NYAP2: variants seen among roughly 807,000 people sequenced by gnomAD.
The protein encoded by NYAP2 is neuronal tyrosine-phosphorylated phosphoinositide-3-kinase adapter 2.
Under a neutral mutation model 50.4 loss-of-function variants are expected in NYAP2, and 23 were observed. The observed-to-expected ratio is 0.46, with a 90% CI of 0.33 to 0.65. NYAP2 has a LOEUF of 0.65. Ranked by LOEUF, NYAP2 falls within the 30% of genes least tolerant of loss-of-function variation. NYAP2 has a pLI of 0.02. For synonymous variants in NYAP2, 394 were observed against 365.2 expected (o/e 1.08, Z -0.90); for missense variants, 885 against 861.0 (o/e 1.03, Z -0.35).
chr2:225,484,564 C>A (rs757581790), intron 3 of NYAP2, among the ~76,000 whole-genome samples: 1 of 152,206 alleles, frequency 6.6e-6, no homozygotes, highest in Non-Finnish European at 1.5e-5. Context: ...CTAGTTAGCT[C>A]AACTAGCCCA....
chr2:225,641,351 C>T (rs990476800), intron 6 of NYAP2, among the ~76,000 whole-genome samples: 6 of 151,340 alleles, frequency 4.0e-5, no homozygotes, highest in Non-Finnish European at 5.9e-5. Context: ...GTTTTGTAAT[C>T]GGCCCAGAAT....
At chr2:225,651,402 A>G in intron 6 of NYAP2, 30 bp from the exon 7 acceptor site, 1 of 1,613,742 alleles carries the variant, frequency 6.2e-7, no homozygotes, top group Non-Finnish European at 8.5e-7. Flanking sequence ...TCAGTCAGCT[A>G]ATATTGTGTC....
At chr2:225,476,418 A>T (rs1690109386) in intron 3 of NYAP2, among the ~76,000 whole-genome samples, 1 of 152,066 alleles carries the variant, frequency 6.6e-6, no homozygotes, top group Non-Finnish European at 1.5e-5. Flanking sequence ...GTCTCAAAAA[A>T]AAAAAAAAAA....
intron 6 of NYAP2, among the ~76,000 whole-genome samples, chr2:225,638,400 G>T (rs1298717700): frequency 6.6e-6 from 1 of 152,088 alleles, no homozygotes; most frequent in Non-Finnish European, 1.5e-5. Context: ...TGGGTGAATG[G>T]TCTGTGACCA....
intron 3 of NYAP2, among the ~76,000 whole-genome samples, chr2:225,473,402 T>A (rs1170950726): frequency 4.0e-5 from 6 of 151,476 alleles, no homozygotes; most frequent in African/African-American, 1.5e-4. Context: ...CCACAATGGT[T>A]GAACTAGTTC....
At chr2:225,686,972 T>G in the NYAP2 span, among the ~76,000 whole-genome samples, 9 of 152,262 alleles carry the variant, frequency 5.9e-5, no homozygotes, top group African/African-American at 2.2e-4. Context: ...TCAAGTGCAC[T>G]TCCCATGTCA....
Position 225,619,913 on chromosome 2 carries a change from G to T in NYAP2, c.1619-7004G>T, listed in dbSNP as rs77927349. On this transcript the variant is annotated intron_variant, in intron 5 of 6. Transcript: ENST00000636099. ...CATTTTTGTAATAAATTTAATTCAA[G>T]TTCAGATTTCAATGTGAGAATTAGA... is the stretch of plus-strand genomic sequence containing the variant. Among the ~76,000 whole-genome samples the T allele has an allele frequency of 1.9e-3, 283 of 152,276 alleles. 1 individual carries two copies. The highest frequency in any genetic ancestry group is 0.017 in the Middle Eastern group (5 of 294).
Position 225,526,736 on chromosome 2 carries a change from T to C in NYAP2, c.523+13064T>C, listed in dbSNP as rs185069429. 2.0e-5 allele frequency among the ~76,000 whole-genome samples: 3 copies of C among 152,334 alleles called. No homozygotes were observed. In the East Asian group the frequency reaches 5.8e-4, roughly 29 times the overall value. On this transcript the variant is annotated intron_variant, in intron 4 of 6. Coordinates refer to ENST00000636099, the Ensembl canonical transcript of NYAP2. The stretch of plus-strand genomic sequence containing the variant: ...GTGCTCAAAACACTGCTTAGCACTA[T>C]ACTAATAAAGCACAAAGAAGGTTGA...
At chr2:225,624,888 T>C (rs951560467) in intron 5 of NYAP2, among the ~76,000 whole-genome samples, 2 of 151,888 alleles carry the variant, frequency 1.3e-5, no homozygotes, top group Non-Finnish European at 2.9e-5. Flanking sequence ...ACAGCCACAG[T>C]TGCAAAGCTG....
Position 225,444,780 on chromosome 2 carries a change from T to A in NYAP2, c.221+35679T>A, listed in dbSNP as rs1574618182. On this transcript the variant is annotated intron_variant, in intron 3 of 6. Coordinates refer to ENST00000636099, the Ensembl canonical transcript of NYAP2. ...AACCAGGCTAAAATATCATGGGAAC[T>A]TAGAAACAAAAACATTTCTCCAATC... 2.0e-5 allele frequency among the ~76,000 whole-genome samples: 3 copies of A among 152,300 alleles called. No homozygotes were observed. In the South Asian group the frequency reaches 6.2e-4, roughly 32 times the overall value.
At chr2:225,602,466 GT>G in intron 5 of NYAP2, among the ~76,000 whole-genome samples, 1 of 152,284 alleles carries the variant, frequency 6.6e-6, no homozygotes, top group South Asian at 2.1e-4. Context: ...CTTTGAGGCT[GT>G]TCTTTGTTTG....
intron 3 of NYAP2, among the ~76,000 whole-genome samples, chr2:225,479,098 A>G (rs1380966131): frequency 2.6e-5 from 4 of 152,220 alleles, no homozygotes; most frequent in Non-Finnish European, 5.9e-5. Context: ...ACTTGGGAAC[A>G]GTCAACGAGT....
intron 3 of NYAP2, among the ~76,000 whole-genome samples, chr2:225,422,164 C>G (rs1695226536): frequency 6.6e-6 from 1 of 152,110 alleles, no homozygotes; most frequent in Non-Finnish European, 1.5e-5. Context: ...GAGAGGAACA[C>G]ATTTTCAAAA....
At chr2:225,446,055 C>A (rs960838631) in intron 3 of NYAP2, among the ~76,000 whole-genome samples, 28 of 151,698 alleles carry the variant, frequency 1.8e-4, no homozygotes, top group African/African-American at 6.3e-4. Context: ...GTAGTTCAAG[C>A]CTGTAATCTC....
chr2:225,512,159 TC>T, intron 3 of NYAP2, among the ~76,000 whole-genome samples: 1 of 152,336 alleles, frequency 6.6e-6, no homozygotes, highest in Middle Eastern at 3.4e-3. Context: ...AAGAGTCATT[TC>T]CTAAATAATT....
intron 6 of NYAP2, among the ~76,000 whole-genome samples, chr2:225,632,169 A>G (rs983509010): frequency 1.3e-5 from 2 of 152,184 alleles, no homozygotes; most frequent in African/African-American, 2.4e-5. Context: ...CTCTGTCCAA[A>G]ATAAGCAAGT....
the NYAP2 span, among the ~76,000 whole-genome samples, chr2:225,689,233 T>A: frequency 6.6e-6 from 1 of 152,316 alleles, no homozygotes. Context: ...GGTGTTTTCC[T>A]CATTTTACAG....
chr2:225,687,930 T>C, the NYAP2 span, among the ~76,000 whole-genome samples: 15 of 152,136 alleles, frequency 9.9e-5, no homozygotes, highest in Non-Finnish European at 1.8e-4. Flanking sequence ...CAGCCTATCA[T>C]CCATCAAAAT....
chr2:225,407,315 A>G (rs1694958196), intron 2 of NYAP2, among the ~76,000 whole-genome samples: 2 of 152,056 alleles, frequency 1.3e-5, no homozygotes, highest in Non-Finnish European at 2.9e-5. Context: ...TACACCAGAT[A>G]GTTGGAATTA....
Sources: gnomAD v4.1 joint callset for allele counts (sites outside exome capture counted in the v4.1 genomes callset) on GRCh38, gnomAD v4.1.1 for gene constraint, MANE v1.5 for transcripts, NCBI Gene and HGNC (gene_info 2026-07-23, HGNC 2026-07-21) for gene names.